Variants in LRP1B observed in about 807,000 individuals in gnomAD.
LRP1B encodes LDL receptor related protein 1B.
Under a neutral mutation model 556.6 loss-of-function variants are expected in LRP1B, and 217 were observed. The ratio of observed to expected loss-of-function variants is 0.39; its 90% CI spans 0.35 to 0.44. The LOEUF (loss-of-function observed/expected upper bound fraction) is 0.44, where lower values mean the gene tolerates loss of function less well. Ranked by LOEUF, LRP1B falls within the 20% of genes least tolerant of loss-of-function variation. The pLI is 1.00. For missense variants in LRP1B, 5,053 were observed against 5,620.8 expected, an observed-to-expected ratio of 0.90 and a Z score of 3.23; for synonymous variants, 2,047 against 1,865.8, an observed-to-expected ratio of 1.10 and a Z score of -2.50.
intron 2 of LRP1B, among the ~76,000 whole-genome samples, chr2:141,499,419 G>A (rs1285433873): frequency 1.3e-5 from 2 of 151,972 alleles, no homozygotes; most frequent in African/African-American, 2.4e-5. Flanking sequence ...GTTCACATTG[G>A]CCCTGTCTGG....
chr2:141,074,549 C>A (rs1278890064), intron 7 of LRP1B, among the ~76,000 whole-genome samples: 1 of 138,364 alleles, frequency 7.2e-6, no homozygotes, highest in Admixed American at 7.7e-5. Flanking sequence ...ATACTAAGTT[C>A]TTTCTCTTTC....
chr2:140,509,249 C>T (rs1254576965), intron 52 of LRP1B, among the ~76,000 whole-genome samples: 1 of 152,108 alleles, frequency 6.6e-6, no homozygotes, highest in Non-Finnish European at 1.5e-5. Context: ...AAAGGATCCC[C>T]TATGTGACCT....
intron 43 of LRP1B, among the ~76,000 whole-genome samples, chr2:140,582,995 G>T (rs78267273): frequency 6.6e-6 from 1 of 151,708 alleles, no homozygotes; most frequent in Non-Finnish European, 1.5e-5. Context: ...ATAAATACTA[G>T]GGTACTTTAC....
intron 11 of LRP1B, among the ~76,000 whole-genome samples, chr2:141,027,827 A>G (rs781344583): frequency 6.6e-6 from 1 of 152,078 alleles, no homozygotes; most frequent in Non-Finnish European, 1.5e-5. Flanking sequence ...ATAAGAAGAG[A>G]CCAGAGAGCT....
chr2:141,271,053 T>C (rs1218790158), intron 3 of LRP1B, among the ~76,000 whole-genome samples: 2 of 151,854 alleles, frequency 1.3e-5, no homozygotes, highest in African/African-American at 4.8e-5. Flanking sequence ...AATGAGAAGA[T>C]AGAAATTACT....
At chr2:140,339,540 TAAAAC>T (rs1459939855) in intron 77 of LRP1B, among the ~76,000 whole-genome samples, 1 of 151,622 alleles carries the variant, frequency 6.6e-6, no homozygotes, top group African/African-American at 2.4e-5. Context: ...GGAATTGTAT[TAAAAC>T]AAAGATGTAG....
intron 13 of LRP1B, 34 bp from the exon 14 acceptor site, chr2:141,013,779 A>G: frequency 1.5e-6 from 2 of 1,318,084 alleles, no homozygotes; most frequent in Non-Finnish European, 2.0e-6. Context: ...AAAAATCAGA[A>G]CTGACCTTTA....
At chr2:141,473,411 A>G (rs4527156) in intron 3 of LRP1B, among the ~76,000 whole-genome samples, 66,882 of 152,018 alleles carry the variant, frequency 0.44, 15,026 homozygotes, top group Non-Finnish European at 0.49. Context: ...TAGAAGTTCT[A>G]TTCTTTCTAG....
At chr2:141,002,940 T>G (rs534154478) in intron 15 of LRP1B, among the ~76,000 whole-genome samples, 73 of 152,048 alleles carry the variant, frequency 4.8e-4, no homozygotes, top group African/African-American at 1.6e-3. Flanking sequence ...TTATAATAAG[T>G]GAAATTGAAG....
rs149208318 is a variant in LRP1B at position 141,873,856 on chromosome 2, A to C, written c.83-63455T>G. ...AATTTGGACCACTTTTTTATGTAAAATATACCAATGAAAAAGTACAAGTTT... is the reference window on the plus strand; with the variant it reads ...AATTTGGACCACTTTTTTATGTAAACTATACCAATGAAAAAGTACAAGTTT... On this transcript the variant is annotated intron_variant, in intron 1 of 90. Coordinates refer to ENST00000389484, the MANE Select transcript of LRP1B (RefSeq NM_018557.3). 4.9e-3 allele frequency among the ~76,000 whole-genome samples: 740 copies of C among 152,006 alleles called. 7 individuals are homozygous for C. Among genetic ancestry groups the C allele is most frequent in the African/African-American group, 0.017 (721 of 41,524 alleles).
intron 7 of LRP1B, among the ~76,000 whole-genome samples, chr2:141,127,479 G>A (rs1701244317): frequency 6.6e-6 from 1 of 152,042 alleles, no homozygotes; most frequent in Non-Finnish European, 1.5e-5. Flanking sequence ...GTAAAGACTT[G>A]GAACCAACCC....
intron 2 of LRP1B, among the ~76,000 whole-genome samples, chr2:141,744,365 A>AT (rs1314640296): frequency 6.6e-6 from 1 of 151,846 alleles, no homozygotes; most frequent in South Asian, 2.1e-4. Context: ...TTTTATTTTT[A>AT]TTTTTTGGAA....
At chr2:141,830,752 A>G (rs1697088402) in intron 1 of LRP1B, among the ~76,000 whole-genome samples, 1 of 151,788 alleles carries the variant, frequency 6.6e-6, no homozygotes, top group South Asian at 2.1e-4. Flanking sequence ...AATTTAATAC[A>G]TTTGACCTCC....
chr2:140,807,098 T>C (rs1690744278), intron 32 of LRP1B, among the ~76,000 whole-genome samples: 1 of 152,202 alleles, frequency 6.6e-6, no homozygotes, highest in African/African-American at 2.4e-5. Context: ...AGTGACTTGA[T>C]TAACTTGAGT....
chr2:141,536,066 T>G (rs76383357), intron 2 of LRP1B, among the ~76,000 whole-genome samples: 169 of 152,258 alleles, frequency 1.1e-3, no homozygotes, highest in African/African-American at 3.9e-3. Flanking sequence ...GTAATCAGAC[T>G]TCTTTATAAA....
chr2:142,130,691 T>C lies in LRP1B; in HGVS notation c.39A>G (p.Gly13=). The C allele has an allele frequency of 6.2e-7, 1 of 1,613,550 alleles. No individual in the cohort carries two copies. The highest frequency in any genetic ancestry group is 8.5e-7 in the Non-Finnish European group (1 of 1,179,786). The change falls in exon 1 of 91, where the codon GGA becomes GGG. Residue 13 remains glycine (G), a synonymous_variant. Coordinates refer to ENST00000389484, the MANE Select transcript of LRP1B (RefSeq NM_018557.3). ...TCAGCACCCTGGCAATCGGCAATAA[T>C]CCCGAGAGAGTGAGTAAGGCGAGGA... ...EFLLALLTLS[G]LLPIARVLTV...
chr2:141,719,010 C>T (rs1692722797), intron 2 of LRP1B, among the ~76,000 whole-genome samples: 4 of 152,038 alleles, frequency 2.6e-5, no homozygotes, highest in Admixed American at 2.6e-4. Flanking sequence ...AAATTTAATG[C>T]AAGTTTCAAA....
At chr2:140,451,954 T>G (rs1166489013) in intron 62 of LRP1B, among the ~76,000 whole-genome samples, 1 of 152,158 alleles carries the variant, frequency 6.6e-6, no homozygotes, top group African/African-American at 2.4e-5. Flanking sequence ...AATAATTCTA[T>G]TATTTACAGA....
chr2:141,432,739 T>C (rs1261271666), intron 3 of LRP1B, among the ~76,000 whole-genome samples: 4 of 152,192 alleles, frequency 2.6e-5, no homozygotes, highest in Non-Finnish European at 5.9e-5. Flanking sequence ...TTCTGTAAGA[T>C]TGAGTAATGA....
Sources: gnomAD v4.1 joint callset for allele counts (sites outside exome capture counted in the v4.1 genomes callset) on GRCh38, gnomAD v4.1.1 for gene constraint, MANE v1.5 for transcripts, NCBI Gene and HGNC (gene_info 2026-07-23, HGNC 2026-07-21) for gene names.